Variants in NOTCH2NLC observed in about 807,000 individuals in gnomAD.
NOTCH2NLC encodes the protein notch 2 N-terminal like C.
In NOTCH2NLC, 4 loss-of-function variants were observed where a neutral mutation model predicts 17.7. The observed-to-expected ratio is 0.23, with a 90% CI of 0.11 to 0.52. NOTCH2NLC has a LOEUF of 0.52. Among genes scored for constraint, NOTCH2NLC ranks in the 20% least tolerant of loss-of-function variants. The probability of loss-of-function intolerance (pLI) is 0.96; values close to 1 mark genes in which losing one functional copy is unlikely to be tolerated. For missense variants in NOTCH2NLC, 57 were observed against 207.2 expected (o/e 0.28, Z 4.45); for synonymous variants, 18 against 86.0 (o/e 0.21, Z 4.38).
At chr1:149,400,137 A>G (rs1227540382) in intron 1 of NOTCH2NLC, among the ~76,000 whole-genome samples, 3 of 141,416 alleles carry the variant, frequency 2.1e-5, no homozygotes, top group Admixed American at 7.1e-5. Context: ...TATATAATAT[A>G]TATTTTTTTT....
At position 149,464,491 on chromosome 1, in the gene NOTCH2NLC, T is replaced by TGTTAC. The variant is rs1413248023; in HGVS notation, c.*339_*343dup. 1 of 188,320 alleles carries TGTTAC rather than the reference T, an allele frequency of 5.3e-6. No individual in the cohort carries two copies. The highest frequency in any genetic ancestry group is 1.1e-5 in the Non-Finnish European group (1 of 90,142). The allele number at this position is 188,320 out of a possible 1,614,324, so 11.7% of individuals were successfully genotyped here. A position where few individuals can be genotyped will look rare whatever the true frequency, so the allele number is the denominator to read the frequency against. ...AGAGACTATGCGTGGCACAATACTT[T>TGTTAC]GTTACACTCTTCACTGATACAAGTG... On this transcript the variant is annotated 3_prime_UTR_variant, in exon 5 of 5. Transcript: ENST00000650865.
At chr1:149,400,148 T>G (rs2084235763) in intron 1 of NOTCH2NLC, among the ~76,000 whole-genome samples, 1 of 143,104 alleles carries the variant, frequency 7.0e-6, no homozygotes, top group African/African-American at 2.5e-5. Context: ...TATTTTTTTT[T>G]TAGTTTATGA....
intron 1 of NOTCH2NLC, among the ~76,000 whole-genome samples, chr1:149,422,991 T>C (rs1342948877): frequency 6.9e-6 from 1 of 145,658 alleles, no homozygotes; most frequent in African/African-American, 2.5e-5. Context: ...GTATGAAAAG[T>C]CTATTAGTAA....
chr1:149,456,247 AT>A (rs2084616093), intron 3 of NOTCH2NLC, among the ~76,000 whole-genome samples: 1 of 83,886 alleles, frequency 1.2e-5, no homozygotes, highest in Non-Finnish European at 2.3e-5. Context: ...CTCCCTAGAC[AT>A]TCAGGGCACT....
chr1:149,404,362 A>G (rs1482034156), intron 1 of NOTCH2NLC, among the ~76,000 whole-genome samples: 1 of 151,288 alleles, frequency 6.6e-6, no homozygotes, highest in Admixed American at 6.6e-5. Context: ...AGATTTTGGG[A>G]TCTTGTGTGG....
intron 1 of NOTCH2NLC, among the ~76,000 whole-genome samples, chr1:149,419,285 C>T (rs1283773362): frequency 6.6e-6 from 1 of 150,818 alleles, no homozygotes; most frequent in Non-Finnish European, 1.5e-5. Flanking sequence ...CAAAGAAAGC[C>T]TTTATCAAGA....
At chr1:149,428,544 G>A (rs1198674559) in intron 1 of NOTCH2NLC, among the ~76,000 whole-genome samples, 10 of 150,966 alleles carry the variant, frequency 6.6e-5, no homozygotes, top group Admixed American at 3.3e-4. Context: ...GGAACAGGCC[G>A]TGATTTTTGC....
At chr1:149,413,459 T>A (rs2084311013) in intron 1 of NOTCH2NLC, among the ~76,000 whole-genome samples, 4 of 151,294 alleles carry the variant, frequency 2.6e-5, no homozygotes, top group Non-Finnish European at 4.4e-5. Context: ...TTTCTCATGT[T>A]CTGCTGTGCT....
At position 149,429,469 on chromosome 1, in the gene NOTCH2NLC, G is replaced by A. The variant is rs1368519481; in HGVS notation, c.136-1473G>A. ...TCCCTGTTTTCTCACCTGAGAATGG[G>A]TATAATGAAATTTACTTCTAAGGGT... On this transcript the variant is annotated intron_variant, in intron 1 of 4. Coordinates refer to ENST00000650865, the MANE Select transcript of NOTCH2NLC (RefSeq NM_001364013.2). 2.0e-5 allele frequency among the ~76,000 whole-genome samples: 3 copies of A among 150,080 alleles called. 1 individual carries two copies. In the East Asian group the frequency reaches 6.0e-4, roughly 30 times the overall value.
At chr1:149,414,944 A>G (rs1301009431) in intron 1 of NOTCH2NLC, among the ~76,000 whole-genome samples, 1 of 134,514 alleles carries the variant, frequency 7.4e-6, no homozygotes, top group Non-Finnish European at 1.6e-5. Context: ...TATGTGAATT[A>G]GGTTGTATCT....
intron 2 of NOTCH2NLC, among the ~76,000 whole-genome samples, chr1:149,438,909 G>C (rs1570913922): frequency 6.8e-6 from 1 of 146,380 alleles, no homozygotes; most frequent in African/African-American, 2.5e-5. Context: ...TAGAGATACG[G>C]TCTCACATGT....
At chr1:149,454,613 T>C (rs2084606641) in intron 2 of NOTCH2NLC, among the ~76,000 whole-genome samples, 1 of 151,308 alleles carries the variant, frequency 6.6e-6, no homozygotes. Context: ...AATTATATTT[T>C]GTGCCTTTTT....
At position 149,466,310 on chromosome 1, in the gene NOTCH2NLC, TA is replaced by T. The variant is rs1187309517; in HGVS notation, c.*2161del. The stretch of plus-strand genomic sequence containing the variant: ...ATATATATCGCATTGTGCAGATGTT[TA>T]AAAGTAGTTACATAGACTAGTTCTT... On this transcript the variant is annotated 3_prime_UTR_variant, in exon 5 of 5. Transcript: ENST00000650865. The T allele has an allele frequency of 3.3e-5, 5 of 149,546 alleles. No homozygotes were observed. The highest frequency in any genetic ancestry group is 7.5e-5 in the Non-Finnish European group (5 of 67,068). The allele number at this position is 149,546 out of a possible 1,614,324, so 9.3% of individuals were successfully genotyped here.
chr1:149,437,720 C>T (rs1434071139), intron 2 of NOTCH2NLC, among the ~76,000 whole-genome samples: 1 of 151,592 alleles, frequency 6.6e-6, no homozygotes, highest in Non-Finnish European at 1.5e-5. Context: ...GCCTCGGCCT[C>T]CCAAAGTGCT....
intron 1 of NOTCH2NLC, among the ~76,000 whole-genome samples, chr1:149,412,837 G>A (rs1310378977): frequency 1.4e-5 from 2 of 143,714 alleles, no homozygotes; most frequent in African/African-American, 2.5e-5. Flanking sequence ...AAAAACCAAG[G>A]TAAAGTAATT....
chr1:149,417,464 G>A (rs2084342933), intron 1 of NOTCH2NLC, among the ~76,000 whole-genome samples: 1 of 151,276 alleles, frequency 6.6e-6, no homozygotes, highest in Admixed American at 6.6e-5. Flanking sequence ...AAGGAATGTT[G>A]GGTCAGTAGG....
chr1:149,414,465 T>A (rs1221990410), intron 1 of NOTCH2NLC, among the ~76,000 whole-genome samples: 1 of 150,772 alleles, frequency 6.6e-6, no homozygotes, highest in Non-Finnish European at 1.5e-5. Flanking sequence ...TGAGCGCATA[T>A]GTATCCTACT....
chr1:149,437,952 G>T (rs1159611603), intron 2 of NOTCH2NLC, among the ~76,000 whole-genome samples: 2 of 149,202 alleles, frequency 1.3e-5, no homozygotes, highest in Admixed American at 1.3e-4. Flanking sequence ...GAAGCTAAGA[G>T]AAGTTAAATA....
At position 149,466,277 on chromosome 1, in the gene NOTCH2NLC, G is replaced by GTATATATATATATA. The variant is rs1184842539; in HGVS notation, c.*2126_*2139dup. On this transcript the variant is annotated 3_prime_UTR_variant, in exon 5 of 5. Transcript: ENST00000650865. Reference sequence around the variant, plus strand: ...GTGTGTGTGTGTGTGTGTGTGTGTGGTATATATATATATATCGCATTGTGC... The same window carrying GTATATATATATATA: ...GTGTGTGTGTGTGTGTGTGTGTGTGGTATATATATATATATATATATATATATATCGCATTGTGC... 2.1e-5 allele frequency: 3 copies of GTATATATATATATA among 142,460 alleles called. No individual in the cohort carries two copies. The highest frequency in any genetic ancestry group is 7.9e-5 in the African/African-American group (3 of 37,828). 8.8% of individuals were successfully genotyped at this position (142,460 alleles called of 1,614,324 possible).
Sources: allele counts gnomAD v4.1 joint callset (sites outside exome capture counted in the v4.1 genomes callset), GRCh38; gene constraint gnomAD v4.1.1; transcripts MANE v1.5; gene names NCBI Gene and HGNC (gene_info 2026-07-23, HGNC 2026-07-21).